The following PHF3 variants were observed in gnomAD, a reference collection of about 807,000 sequenced individuals.
PHF3 encodes PHD finger protein 3.
PHF3 carries 41 observed loss-of-function variants against 178.4 expected under a neutral mutation model. The observed-to-expected ratio is 0.23, with a 90% CI of 0.18 to 0.30. The LOEUF (loss-of-function observed/expected upper bound fraction) is 0.30, where lower values mean the gene tolerates loss of function less well. Among genes scored for constraint, PHF3 ranks in the 10% least tolerant of loss-of-function variants. The pLI is 1.00. For synonymous variants in PHF3, 842 were observed against 800.5 expected, an observed-to-expected ratio of 1.05 and a Z score of -0.88; for missense variants, 2,346 against 2,398.1, an observed-to-expected ratio of 0.98 and a Z score of 0.45.
chr6:63,642,813 A>G (rs577067847), intron 1 of PHF3, among the ~76,000 whole-genome samples: 3 of 152,200 alleles, frequency 2.0e-5, no homozygotes, highest in Non-Finnish European at 4.4e-5. Flanking sequence ...AATTTGTTTA[A>G]TTAACAAAGA....
Position 63,694,613 on chromosome 6 carries a change from T to C in PHF3, c.2529T>C (p.Cys843=), listed in dbSNP as rs1767152203. 1.3e-6 allele frequency: 2 copies of C among 1,571,754 alleles called. No homozygotes were observed. The highest frequency in any genetic ancestry group is 1.4e-5 in the African/African-American group (1 of 73,062). Residue 843 remains cysteine, a synonymous_variant, in exon 6 of 16, where the codon TGT becomes TGC. Transcript: ENST00000262043. ...GTGAAGGCAGAAATTCATCAGACTG[T>C]AGAGATAATGAAATTAAAAAATGGC... is the stretch of plus-strand genomic sequence containing the variant. The part of the protein sequence containing the change: ...ESGEGRNSSD[C]RDNEIKKWQL...
At chr6:63,636,281 G>T in intron 1 of PHF3, 131 bp downstream of exon 1, 1 of 238,254 alleles carries the variant, frequency 4.2e-6, no homozygotes, top group Non-Finnish European at 8.1e-6. Context: ...TTTCTCCCGC[G>T]CAGCCGAGAG....
rs939636611 is a variant in PHF3 at position 63,717,542 on chromosome 6, C to CA, written c.*3840dup. ...TTCACAATTATAGTAATATGTAGAG[C>CA]AAAAAAGTAGTGAGTTGAAAACAGA... On this transcript the variant is annotated 3_prime_UTR_variant, in exon 16 of 16. Coordinates refer to ENST00000262043, the MANE Select transcript of PHF3 (RefSeq NM_001370348.2). Among the ~76,000 whole-genome samples the CA allele has an allele frequency of 2.0e-5, 3 of 151,786 alleles. No individual in the cohort carries two copies. The highest frequency in any genetic ancestry group is 7.3e-5 in the African/African-American group (3 of 41,344).
chr6:63,663,245 T>C (rs1420868629), intron 2 of PHF3, among the ~76,000 whole-genome samples: 1 of 152,196 alleles, frequency 6.6e-6, no homozygotes, highest in Admixed American at 6.5e-5. Flanking sequence ...TCTTGATTCT[T>C]ACGGGATCTC....
In PHF3 at chr6:63,704,201, A is replaced by T. The variant is rs145392882; in HGVS notation, c.3367+530A>T. 4.1e-4 allele frequency among the ~76,000 whole-genome samples: 63 copies of T among 152,276 alleles called. 1 individual carries two copies. The highest frequency in any genetic ancestry group is 1.5e-3 in the African/African-American group (61 of 41,544). The stretch of plus-strand genomic sequence containing the variant: ...TCCACTGTTAGCAACATCCCACACC[A>T]GAGTGGTGCAGTTACTACAGTTGAC... On this transcript the variant is annotated intron_variant, in intron 11 of 15. Transcript: ENST00000262043.
At chr6:63,694,491 A>T in intron 5 of PHF3, 90 bp from the exon 6 acceptor site, 1 of 879,566 alleles carries the variant, frequency 1.1e-6, no homozygotes, top group Non-Finnish European at 1.7e-6. Flanking sequence ...ATCTCATTTT[A>T]CTAATAATCA....
At chr6:63,677,174 C>T (rs1032151020) in intron 2 of PHF3, among the ~76,000 whole-genome samples, 1 of 152,012 alleles carries the variant, frequency 6.6e-6, no homozygotes, top group Admixed American at 6.6e-5. Flanking sequence ...TTCTGAAGGT[C>T]TCATGAGCTT....
At chr6:63,682,045 A>G (rs1766461453) in intron 3 of PHF3, among the ~76,000 whole-genome samples, 1 of 152,102 alleles carries the variant, frequency 6.6e-6, no homozygotes, top group Non-Finnish European at 1.5e-5. Context: ...AGTATATACA[A>G]ATTCACTTAA....
At chr6:63,672,017 G>A (rs1056977460) in intron 2 of PHF3, among the ~76,000 whole-genome samples, 1 of 151,888 alleles carries the variant, frequency 6.6e-6, no homozygotes, top group Non-Finnish European at 1.5e-5. Flanking sequence ...TAATTTTTGT[G>A]TTTTTAGTAG....
At chr6:63,672,266 A>G (rs1323641109) in intron 2 of PHF3, among the ~76,000 whole-genome samples, 1 of 152,204 alleles carries the variant, frequency 6.6e-6, no homozygotes, top group Middle Eastern at 3.2e-3. Context: ...AATAATATTT[A>G]AACAATTAGG....
At position 63,697,015 on chromosome 6, in the gene PHF3, T is replaced by C. The variant is rs551783495; in HGVS notation, c.2681-1208T>C. On this transcript the variant is annotated intron_variant, in intron 6 of 15. Transcript: ENST00000262043. ...GTGAATTTTTTTTTTAAAGAAGATA[T>C]CATAGCATGTTTGTAAGACTAATGG... Among the ~76,000 whole-genome samples the C allele has an allele frequency of 3.9e-5, 6 of 152,130 alleles. No individual in the cohort carries two copies. In the South Asian group the frequency reaches 1.0e-3, roughly 26 times the overall value.
chr6:63,690,960 G>C (rs1766972464), intron 4 of PHF3, among the ~76,000 whole-genome samples: 1 of 152,106 alleles, frequency 6.6e-6, no homozygotes, highest in Non-Finnish European at 1.5e-5. Flanking sequence ...ACAGTGATGG[G>C]AAAACTTTTA....
intron 9 of PHF3, among the ~76,000 whole-genome samples, chr6:63,701,377 T>G (rs1337519758): frequency 2.0e-5 from 3 of 152,182 alleles, no homozygotes; most frequent in Admixed American, 6.5e-5. Context: ...AACTCACAGA[T>G]AGCAAGAATT....
intron 2 of PHF3, 33 bp downstream of exon 2, chr6:63,646,828 T>A (rs1341680773): frequency 4.4e-6 from 5 of 1,125,440 alleles, no homozygotes; most frequent in East Asian, 3.1e-5. Context: ...TTTTTTTTTT[T>A]AGTCTGCAAT....
At chr6:63,671,505 G>A (rs1484748446) in intron 2 of PHF3, among the ~76,000 whole-genome samples, 2 of 152,140 alleles carry the variant, frequency 1.3e-5, no homozygotes, top group East Asian at 1.9e-4. Context: ...TTTGACTTGG[G>A]CTAGTTAGGG....
intron 8 of PHF3, among the ~76,000 whole-genome samples, chr6:63,698,823 A>T (rs1767347741): frequency 6.6e-6 from 1 of 152,136 alleles, no homozygotes. Flanking sequence ...AACGTGTCTT[A>T]ACCTGATTTA....
chr6:63,672,418 T>C (rs1469149067), intron 2 of PHF3, among the ~76,000 whole-genome samples: 2 of 152,204 alleles, frequency 1.3e-5, no homozygotes, highest in Non-Finnish European at 1.5e-5. Flanking sequence ...TTTATACACA[T>C]AGGGCAGACA....
intron 2 of PHF3, among the ~76,000 whole-genome samples, chr6:63,647,737 C>T (rs1764851162): frequency 6.6e-6 from 1 of 152,018 alleles, no homozygotes; most frequent in Non-Finnish European, 1.5e-5. Flanking sequence ...AACAGTTTTT[C>T]TTTTATAAAG....
In PHF3 at chr6:63,703,593, G is replaced by A; in HGVS notation, c.3289G>A (p.Glu1097Lys). The change falls in exon 11 of 16, where the codon GAG becomes AAG. Residue 1097 changes from glutamate (E) to lysine (K), a missense_variant. Transcript: ENST00000262043. The part of the protein sequence containing the change: ...KPEGSEKQKE[E>K]VDSMSKDTTS... ...AGAAGGATCTGAAAAACAAAAAGAG[G>A]AGGTTGACTCTATGTCTAAAGATAC... The A allele has an allele frequency of 3.1e-6, 5 of 1,612,972 alleles. No homozygotes were observed. The highest frequency in any genetic ancestry group is 4.2e-6 in the Non-Finnish European group (5 of 1,179,572).
Sources: gnomAD v4.1 joint callset for allele counts (sites outside exome capture counted in the v4.1 genomes callset) on GRCh38, gnomAD v4.1.1 for gene constraint, MANE v1.5 for transcripts, NCBI Gene and HGNC (gene_info 2026-07-23, HGNC 2026-07-21) for gene names.